Variants in ZEB2 observed in about 807,000 individuals in gnomAD.
The protein encoded by ZEB2 is zinc finger E-box-binding homeobox 2.
ZEB2 carries 6 observed loss-of-function variants against 99.9 expected under a neutral mutation model. That is an observed-to-expected ratio of 0.06 (90% CI 0.03 to 0.12). The LOEUF is 0.12. Among genes scored for constraint, ZEB2 ranks in the 10% least tolerant of loss-of-function variants. The pLI is 1.00. For synonymous variants in ZEB2, 517 were observed against 542.5 expected (o/e 0.95, Z 0.65); for missense variants, 969 against 1,502.8 (o/e 0.64, Z 5.87).
chr2:144,388,890 G>GAAAAA lies in ZEB2; in HGVS notation c.*556_*560dup. 3.0e-6 allele frequency: 1 copy of GAAAAA among 332,506 alleles called. No homozygotes were observed. The highest frequency in any genetic ancestry group is 6.0e-6 in the Non-Finnish European group (1 of 167,444). 20.6% of individuals were successfully genotyped at this position (332,506 alleles called of 1,614,324 possible). On this transcript the variant is annotated 3_prime_UTR_variant, in exon 10 of 10. Coordinates refer to ENST00000627532, the MANE Select transcript of ZEB2 (RefSeq NM_014795.4). The surrounding 1 kb of genome is among the most constrained non-coding windows in gnomAD (Gnocchi z 5.4). The stretch of plus-strand genomic sequence containing the variant: ...ATGCATCACTTCAAGTTCCTTCACA[G>GAAAAA]AAAAAAAAAAAAATTGAGGCCTAAA...
At position 144,395,499 on chromosome 2, in the gene ZEB2, C is replaced by T. The variant is rs1573712660; in HGVS notation, c.3067+913G>A. ...TCGTGCCAAAATTTTGACTGAGATC[C>T]TACACTTTTTCCCCCCCGATCCAGG... On this transcript the variant is annotated intron_variant, in intron 9 of 9. Coordinates refer to ENST00000627532, the MANE Select transcript of ZEB2 (RefSeq NM_014795.4). 2.0e-5 allele frequency among the ~76,000 whole-genome samples: 3 copies of T among 151,998 alleles called. No individual in the cohort carries two copies. The South Asian group carries it at 6.2e-4, about 32-fold the overall frequency.
chr2:144,509,111 T>A (rs1704992990), intron 2 of ZEB2, among the ~76,000 whole-genome samples: 2 of 152,198 alleles, frequency 1.3e-5, no homozygotes, highest in South Asian at 4.1e-4. Flanking sequence ...AATAAACTGC[T>A]AGAGCCAGAA....
At chr2:144,431,957 A>G (rs1703777531) in intron 2 of ZEB2, among the ~76,000 whole-genome samples, 1 of 151,442 alleles carries the variant, frequency 6.6e-6, no homozygotes, top group African/African-American at 2.4e-5. Flanking sequence ...GAGTGAATAA[A>G]ATTATCTAAG....
chr2:144,440,517 T>TATACATA (rs1463273071), intron 2 of ZEB2, among the ~76,000 whole-genome samples: 1 of 9,766 alleles, frequency 1.0e-4, no homozygotes, highest in African/African-American at 2.1e-4. Context: ...ATATATATAT[T>TATACATA]TTTTTTTTTT....
chr2:144,492,547 G>A (rs1328878111), intron 2 of ZEB2, among the ~76,000 whole-genome samples: 1 of 152,102 alleles, frequency 6.6e-6, no homozygotes, highest in Non-Finnish European at 1.5e-5. Context: ...AGGTCTTATG[G>A]CTTGTATGAA....
rs144835963 is a variant in ZEB2, at chr2:144,399,339, A to C, written c.1848T>G (p.Pro616=). The C allele has an allele frequency of 1.5e-4, 241 of 1,614,018 alleles. 1 individual carries two copies. The highest frequency in any genetic ancestry group is 1.1e-4 in the Non-Finnish European group (128 of 1,180,020). The part of the protein sequence containing the change: ...MNEEIKAVLQ[P]HENIVPNKAG... ...CTTTGTTGGGGACTATGTTTTCATG[A>C]GGCTGCAGGACCGCCTTGATCTCTT... Residue 616 remains proline (P), a synonymous_variant, in exon 8 of 10, where the codon CCT becomes CCG. Coordinates refer to ENST00000627532, the MANE Select transcript of ZEB2 (RefSeq NM_014795.4). The surrounding 1 kb of genome is among the most constrained non-coding windows in gnomAD (Gnocchi z 5.6).
intron 2 of ZEB2, among the ~76,000 whole-genome samples, chr2:144,452,798 GAGAA>G (rs1401769775): frequency 6.6e-6 from 1 of 152,118 alleles, no homozygotes; most frequent in Admixed American, 6.5e-5. Flanking sequence ...TCCCCTTAAA[GAGAA>G]AGAGAGAGAG....
At chr2:144,475,951 A>G (rs1704423478) in intron 2 of ZEB2, among the ~76,000 whole-genome samples, 1 of 152,322 alleles carries the variant, frequency 6.6e-6, no homozygotes, top group East Asian at 1.9e-4. Flanking sequence ...CCGTTTCTGA[A>G]TATCAGAAAC....
At chr2:144,453,018 T>A (rs747856331) in intron 2 of ZEB2, among the ~76,000 whole-genome samples, 2 of 152,200 alleles carry the variant, frequency 1.3e-5, no homozygotes, top group Non-Finnish European at 2.9e-5. Flanking sequence ...TGTAAGTCTA[T>A]CATCTTATTT....
intron 2 of ZEB2, among the ~76,000 whole-genome samples, chr2:144,478,082 C>T (rs1009954361): frequency 2.6e-5 from 4 of 152,246 alleles, no homozygotes; most frequent in East Asian, 1.9e-4. Flanking sequence ...AGACAGATTG[C>T]GACACATGTT....
At position 144,386,220 on chromosome 2, in the gene ZEB2, A is replaced by C. The variant is rs1165784621; in HGVS notation, c.*3231T>G. The C allele has an allele frequency of 6.6e-6, 1 of 152,200 alleles. No individual in the cohort carries two copies. The allele number at this position is 152,200 out of a possible 1,614,324, so 9.4% of individuals were successfully genotyped here. On this transcript the variant is annotated 3_prime_UTR_variant, in exon 10 of 10. Transcript: ENST00000627532. ...AAGAGTAAGTAGTTGATAAAACAGA[A>C]GAACACATCTGATGTTACTAAAATG...
rs72858499 is a variant in ZEB2, at chr2:144,454,263, C to G, written c.74-24237G>C. 2.3e-3 allele frequency among the ~76,000 whole-genome samples: 346 copies of G among 152,160 alleles called. 1 individual carries two copies. The highest frequency in any genetic ancestry group is 8.0e-3 in the African/African-American group (334 of 41,502). On this transcript the variant is annotated intron_variant, in intron 2 of 9. Transcript: ENST00000627532. ...GGATTAGAAACTATGAAACATTATCCGATAGTAACTTTTTAAAAAACTCAC... is the reference window on the plus strand; with the variant it reads ...GGATTAGAAACTATGAAACATTATCGGATAGTAACTTTTTAAAAAACTCAC...
At chr2:144,488,670 A>AGTGAGTGTGTGT (rs1704633084) in intron 2 of ZEB2, among the ~76,000 whole-genome samples, 2 of 148,132 alleles carry the variant, frequency 1.4e-5, no homozygotes, top group African/African-American at 5.0e-5. Flanking sequence ...CTCGTGTGTG[A>AGTGAGTGTGTGT]GTGTGTGTGT....
At chr2:144,490,965 T>C (rs1394433049) in intron 2 of ZEB2, among the ~76,000 whole-genome samples, 1 of 152,236 alleles carries the variant, frequency 6.6e-6, no homozygotes, top group Non-Finnish European at 1.5e-5. Flanking sequence ...ATTGACTTGA[T>C]ACCCAATAAT....
intron 9 of ZEB2, among the ~76,000 whole-genome samples, chr2:144,392,796 T>C (rs1427929823): frequency 2.0e-5 from 3 of 152,214 alleles, no homozygotes; most frequent in South Asian, 2.1e-4. Flanking sequence ...AACATCCAAA[T>C]TGATACTGAG....
chr2:144,420,640 G>T (rs1308646132), intron 4 of ZEB2, among the ~76,000 whole-genome samples: 1 of 152,194 alleles, frequency 6.6e-6, no homozygotes, highest in Admixed American at 6.5e-5. Flanking sequence ...GTTCTGAAGA[G>T]ATTGCTGTCG....
intron 2 of ZEB2, among the ~76,000 whole-genome samples, chr2:144,514,865 T>C (rs899125740): frequency 6.6e-6 from 1 of 152,260 alleles, no homozygotes; most frequent in Non-Finnish European, 1.5e-5. Flanking sequence ...CTTCTGAATG[T>C]GGAGGCTTCT....
At chr2:144,393,073 A>G (rs967101210) in intron 9 of ZEB2, among the ~76,000 whole-genome samples, 3 of 152,242 alleles carry the variant, frequency 2.0e-5, no homozygotes, top group Non-Finnish European at 4.4e-5. Flanking sequence ...AAAGCACTCA[A>G]TAAAGGTCAG....
chr2:144,402,559 A>G (rs1703327690), intron 6 of ZEB2, among the ~76,000 whole-genome samples: 1 of 152,230 alleles, frequency 6.6e-6, no homozygotes, highest in Admixed American at 6.5e-5. Flanking sequence ...GCCACTGTTA[A>G]TATGATACAA....
Sources: allele counts gnomAD v4.1 joint callset (sites outside exome capture counted in the v4.1 genomes callset), GRCh38; gene constraint gnomAD v4.1.1; non-coding constraint Gnocchi (gnomAD v3.1); transcripts MANE v1.5; gene names NCBI Gene and HGNC (gene_info 2026-07-23, HGNC 2026-07-21).